PDE1C: variants seen among roughly 807,000 people sequenced by gnomAD.
PDE1C encodes the protein dual specificity calcium/calmodulin-dependent 3',5'-cyclic nucleotide phosphodiesterase 1C.
In PDE1C, 62 loss-of-function variants were observed where a neutral mutation model predicts 93.1. That is an observed-to-expected ratio of 0.67 (90% CI 0.54 to 0.82). PDE1C has a LOEUF of 0.82. Ranked by LOEUF, PDE1C falls within the 40% of genes least tolerant of loss-of-function variation. The pLI is 0.00. For synonymous variants in PDE1C, 325 were observed against 310.1 expected, an observed-to-expected ratio of 1.05 and a Z score of -0.50; for missense variants, 742 against 884.6, an observed-to-expected ratio of 0.84 and a Z score of 2.04.
chr7:31,893,250 C>T (rs1000129645), intron 2 of PDE1C, among the ~76,000 whole-genome samples: 2 of 152,114 alleles, frequency 1.3e-5, no homozygotes, highest in African/African-American at 2.4e-5. Flanking sequence ...ATATTATTAA[C>T]ATTTCAAGTT....
rs62457536 is a variant in PDE1C, at chr7:32,320,103, A to G, written c.310+107719T>C. ...AATTTGTCACACAGCAGTTCCCCACACTACCAACTGACAGATTTTTGCCTC... is the reference window on the plus strand; with the variant it reads ...AATTTGTCACACAGCAGTTCCCCACGCTACCAACTGACAGATTTTTGCCTC... On this transcript the variant is annotated intron_variant, in intron 1 of 1. Transcript: ENST00000672256. 2.8e-3 allele frequency among the ~76,000 whole-genome samples: 430 copies of G among 152,328 alleles called. 3 individuals carry two copies. The highest frequency in any genetic ancestry group is 4.8e-3 in the Non-Finnish European group (327 of 68,028).
intron 2 of PDE1C, among the ~76,000 whole-genome samples, chr7:31,921,246 T>C (rs951908391): frequency 6.6e-6 from 1 of 152,220 alleles, no homozygotes; most frequent in African/African-American, 2.4e-5. Context: ...AATACTTGAA[T>C]TCAAAACTGA....
the PDE1C span, among the ~76,000 whole-genome samples, chr7:31,727,904 C>T: frequency 0.16 from 24,200 of 151,918 alleles, 2,530 homozygotes; most frequent in East Asian, 0.36. Flanking sequence ...ATTAGCCGGG[C>T]GTGGTGGCAT....
intron 14 of PDE1C, among the ~76,000 whole-genome samples, chr7:31,821,981 A>G (rs1298280994): frequency 6.6e-6 from 1 of 152,040 alleles, no homozygotes; most frequent in East Asian, 1.9e-4. Context: ...GGAGGGGATA[A>G]TGTGTTTTTG....
chr7:31,655,209 C>G, the PDE1C span, among the ~76,000 whole-genome samples: 1 of 152,070 alleles, frequency 6.6e-6, no homozygotes, highest in Non-Finnish European at 1.5e-5. Flanking sequence ...AGTTCATCTT[C>G]CTGATCCTCT....
chr7:31,982,737 T>C (rs1812559828), intron 2 of PDE1C, among the ~76,000 whole-genome samples: 1 of 152,102 alleles, frequency 6.6e-6, no homozygotes, highest in Non-Finnish European at 1.5e-5. Flanking sequence ...GTGTTCATTA[T>C]ACTAATCTTT....
At chr7:32,124,925 T>C (rs764532706) in intron 3 of PDE1C, among the ~76,000 whole-genome samples, 22 of 152,092 alleles carry the variant, frequency 1.4e-4, no homozygotes, top group African/African-American at 4.8e-4. Context: ...ATCATTAGAG[T>C]AAACAGGCAA....
chr7:32,042,728 C>T (rs1218943441), intron 2 of PDE1C, among the ~76,000 whole-genome samples: 2 of 152,178 alleles, frequency 1.3e-5, no homozygotes, highest in African/African-American at 4.8e-5. Context: ...CAGACTATGT[C>T]ACCTGCCCAG....
intron 3 of PDE1C, among the ~76,000 whole-genome samples, chr7:32,166,403 A>T (rs1371483367): frequency 6.6e-6 from 1 of 152,118 alleles, no homozygotes. Flanking sequence ...TTCCAGCAAT[A>T]TTGGCTGGGA....
At chr7:32,219,184 C>T (rs1806649774) in intron 1 of PDE1C, among the ~76,000 whole-genome samples, 1 of 152,070 alleles carries the variant, frequency 6.6e-6, no homozygotes, top group East Asian at 1.9e-4. Context: ...ACAAAGGGTC[C>T]TTTGTGGCCT....
intron 2 of PDE1C, among the ~76,000 whole-genome samples, chr7:31,953,540 C>A (rs187181803): frequency 7.9e-5 from 12 of 152,182 alleles, no homozygotes; most frequent in South Asian, 2.1e-4. Flanking sequence ...GAAGACTCTG[C>A]TTGCTGGATT....
At chr7:31,778,143 G>A (rs1239876519) in intron 16 of PDE1C, among the ~76,000 whole-genome samples, 2 of 152,160 alleles carry the variant, frequency 1.3e-5, no homozygotes, top group Non-Finnish European at 2.9e-5. Context: ...ACACTCCGGG[G>A]TGAAAGATTT....
the PDE1C span, chr7:31,696,967 G>T: frequency 6.2e-7 from 1 of 1,613,978 alleles, no homozygotes; most frequent in South Asian, 1.1e-5. Flanking sequence ...CCATGCAGGT[G>T]TGTTTTCAGA....
intron 16 of PDE1C, among the ~76,000 whole-genome samples, chr7:31,776,423 A>G (rs1366895787): frequency 2.0e-5 from 3 of 152,158 alleles, no homozygotes; most frequent in Non-Finnish European, 4.4e-5. Flanking sequence ...CAGAATTCCT[A>G]TGAGGAAGGG....
At chr7:31,924,687 A>C (rs1309608781) in intron 2 of PDE1C, among the ~76,000 whole-genome samples, 1 of 152,142 alleles carries the variant, frequency 6.6e-6, no homozygotes, top group Non-Finnish European at 1.5e-5. Context: ...ACAACGTTTT[A>C]CTCGATGCCT....
intron 1 of PDE1C, among the ~76,000 whole-genome samples, chr7:32,388,678 TAAAAAAAAAAA>T (rs5883343): frequency 1.2e-5 from 1 of 81,590 alleles, no homozygotes; most frequent in Non-Finnish European, 2.1e-5. Flanking sequence ...GTCCCATTTC[TAAAAAAAAAAA>T]AAAAAAAAAA....
At chr7:31,749,329 A>G (rs1024730519), downstream of PDE1C, among the ~76,000 whole-genome samples, 1 of 152,078 alleles carries the variant, frequency 6.6e-6, no homozygotes, top group Non-Finnish European at 1.5e-5. Flanking sequence ...GGAAGTGGAA[A>G]GGATATATTT....
intron 17 of PDE1C, among the ~76,000 whole-genome samples, chr7:31,773,344 G>C (rs1436607948): frequency 6.6e-6 from 1 of 152,052 alleles, no homozygotes; most frequent in East Asian, 1.9e-4. Context: ...GAGGCCTTGG[G>C]AACCCAGTGG....
chr7:31,701,862 A>G, the PDE1C span, among the ~76,000 whole-genome samples: 2 of 152,266 alleles, frequency 1.3e-5, no homozygotes, highest in Admixed American at 6.5e-5. Context: ...ACATAATGCT[A>G]TTTCACATTT....
Sources: gnomAD v4.1 joint callset for allele counts (sites outside exome capture counted in the v4.1 genomes callset) on GRCh38, gnomAD v4.1.1 for gene constraint, MANE v1.5 for transcripts, NCBI Gene and HGNC (gene_info 2026-07-23, HGNC 2026-07-21) for gene names.